The following TRAPPC9 variants were observed in gnomAD, a reference collection of about 807,000 sequenced individuals.
TRAPPC9 encodes the protein IKK2 binding protein.
Under a neutral mutation model 124.0 loss-of-function variants are expected in TRAPPC9, and 83 were observed. The ratio of observed to expected loss-of-function variants is 0.67; its 90% confidence interval spans 0.56 to 0.80. TRAPPC9 has a LOEUF of 0.80. Ranked by LOEUF, TRAPPC9 falls within the 30% of genes least tolerant of loss-of-function variation. The pLI, the probability that TRAPPC9 is intolerant of heterozygous loss-of-function variation, is 0.00. For synonymous variants in TRAPPC9, 638 were observed against 617.5 expected (o/e 1.03, Z -0.49); for missense variants, 1,302 against 1,508.3 (o/e 0.86, Z 2.27).
chr8:140,279,473 A>T lies in TRAPPC9; in HGVS notation c.2115-3652T>A, dbSNP rs115043887. On this transcript the variant is annotated intron_variant, in intron 14 of 22. Transcript: ENST00000438773. ...TCAGGAAGTCACCTTAGAAAAATAT[A>T]TACATTATATACAATTTTTTAAAAT... Among the ~76,000 whole-genome samples the T allele has an allele frequency of 3.0e-3, 461 of 152,304 alleles. 3 individuals are homozygous for T. Among genetic ancestry groups the T allele is most frequent in the African/African-American group, 0.01 (436 of 41,582 alleles).
chr8:140,306,875 G>A (rs902281374), intron 10 of TRAPPC9, among the ~76,000 whole-genome samples: 11 of 152,172 alleles, frequency 7.2e-5, no homozygotes, highest in African/African-American at 1.4e-4. Flanking sequence ...GTCACAAACC[G>A]AAACCAGGAC....
At chr8:139,805,482 AG>A (rs1823986262) in intron 21 of TRAPPC9, among the ~76,000 whole-genome samples, 8 of 152,190 alleles carry the variant, frequency 5.3e-5, no homozygotes, top group African/African-American at 1.7e-4. Flanking sequence ...CTGGGGCCCC[AG>A]GTTCTTTGTT....
At chr8:140,354,794 C>T (rs534199917) in intron 9 of TRAPPC9, among the ~76,000 whole-genome samples, 91 of 152,186 alleles carry the variant, frequency 6.0e-4, no homozygotes, top group African/African-American at 1.9e-3. Flanking sequence ...AATAACAAAC[C>T]GCCACCTAGC....
chr8:139,840,980 G>T (rs1826690704), intron 21 of TRAPPC9, among the ~76,000 whole-genome samples: 1 of 152,178 alleles, frequency 6.6e-6, no homozygotes, highest in Non-Finnish European at 1.5e-5. Flanking sequence ...GTTTCCTATT[G>T]CTGTGGTTTG....
At chr8:140,204,238 G>A (rs1490659805) in intron 17 of TRAPPC9, among the ~76,000 whole-genome samples, 1 of 152,024 alleles carries the variant, frequency 6.6e-6, no homozygotes, top group Non-Finnish European at 1.5e-5. Flanking sequence ...GTCCATCAAT[G>A]ATAGACTGGA....
chr8:140,369,542 G>A (rs2068218503), intron 8 of TRAPPC9, among the ~76,000 whole-genome samples: 1 of 152,146 alleles, frequency 6.6e-6, no homozygotes, highest in African/African-American at 2.4e-5. Context: ...TCAACGTTGG[G>A]GAGAGCCCTA....
At chr8:140,041,611 T>C (rs1841280479) in intron 17 of TRAPPC9, among the ~76,000 whole-genome samples, 1 of 152,234 alleles carries the variant, frequency 6.6e-6, no homozygotes, top group Non-Finnish European at 1.5e-5. Context: ...AGAACGCTCG[T>C]GACTTGCTCG....
chr8:140,458,216 A>G (rs2071772555), upstream of TRAPPC9: 6 of 1,550,458 alleles, frequency 3.9e-6, no homozygotes, highest in Admixed American at 1.2e-4. Context: ...AGAGACTAGG[A>G]GGAAAGCTTC....
At chr8:140,096,205 T>C (rs182675537) in intron 17 of TRAPPC9, 5 of 152,248 alleles carry the variant, frequency 3.3e-5, no homozygotes, top group African/African-American at 1.2e-4. Flanking sequence ...ATTCTTTCAA[T>C]AGCTAAAATA....
intron 8 of TRAPPC9, among the ~76,000 whole-genome samples, chr8:140,367,790 T>C (rs2068165127): frequency 6.6e-6 from 1 of 152,018 alleles, no homozygotes; most frequent in Non-Finnish European, 1.5e-5. Context: ...CACCCTGGTA[T>C]GGGGTGTTAA....
intron 16 of TRAPPC9, among the ~76,000 whole-genome samples, chr8:140,239,961 C>T (rs968186690): frequency 2.6e-5 from 4 of 152,108 alleles, no homozygotes; most frequent in Non-Finnish European, 1.5e-5. Flanking sequence ...GAATAACTGT[C>T]CCAATTTCAG....
At chr8:140,276,874 G>A (rs547050413) in intron 14 of TRAPPC9, among the ~76,000 whole-genome samples, 4 of 152,204 alleles carry the variant, frequency 2.6e-5, no homozygotes, top group African/African-American at 9.6e-5. Flanking sequence ...CCTTCTTCCT[G>A]TCCCTGAAGG....
intron 21 of TRAPPC9, among the ~76,000 whole-genome samples, chr8:139,769,467 G>A (rs1424747299): frequency 1.3e-5 from 2 of 152,204 alleles, no homozygotes; most frequent in Non-Finnish European, 2.9e-5. Flanking sequence ...ATGTCACCAT[G>A]CTACTCTGAG....
intron 21 of TRAPPC9, among the ~76,000 whole-genome samples, chr8:139,841,581 C>T (rs1247697465): frequency 1.3e-5 from 2 of 152,226 alleles, no homozygotes; most frequent in Non-Finnish European, 2.9e-5. Context: ...CATCCCAGGG[C>T]AAGGCTGGCC....
intron 19 of TRAPPC9, among the ~76,000 whole-genome samples, chr8:139,921,056 G>A (rs1316514359): frequency 6.6e-6 from 1 of 152,182 alleles, no homozygotes; most frequent in Non-Finnish European, 1.5e-5. Flanking sequence ...AAGCAAGCGG[G>A]ACCTTGGCAG....
At chr8:140,201,093 T>C (rs1324425053) in intron 17 of TRAPPC9, among the ~76,000 whole-genome samples, 4 of 152,158 alleles carry the variant, frequency 2.6e-5, no homozygotes, top group African/African-American at 9.7e-5. Context: ...CCCAGGCCTC[T>C]AAGAGTCCAG....
intron 21 of TRAPPC9, among the ~76,000 whole-genome samples, chr8:139,771,235 C>A (rs111728464): frequency 2.6e-5 from 4 of 152,290 alleles, no homozygotes; most frequent in Admixed American, 1.3e-4. Context: ...TGAAACTTAA[C>A]GCATCATCTA....
At chr8:140,260,106 T>C (rs866276300) in intron 15 of TRAPPC9, among the ~76,000 whole-genome samples, 1 of 152,278 alleles carries the variant, frequency 6.6e-6, no homozygotes, top group East Asian at 1.9e-4. Context: ...ATTACGCTTT[T>C]ATAAACAAAC....
intron 18 of TRAPPC9, among the ~76,000 whole-genome samples, chr8:140,003,409 A>T (rs1247100807): frequency 6.6e-6 from 1 of 151,970 alleles, no homozygotes; most frequent in Non-Finnish European, 1.5e-5. Flanking sequence ...CATGTTTGTG[A>T]ACAACAAAAA....
Sources: gnomAD v4.1 joint callset for allele counts (sites outside exome capture counted in the v4.1 genomes callset) on GRCh38, gnomAD v4.1.1 for gene constraint, MANE v1.5 for transcripts, NCBI Gene and HGNC (gene_info 2026-07-23, HGNC 2026-07-21) for gene names.